TMX3: variants seen among roughly 807,000 people sequenced by gnomAD.
The protein encoded by TMX3 is thioredoxin related transmembrane protein 3, also known as protein disulfide-isomerase TMX3.
A neutral mutation model predicts 64.4 loss-of-function variants in TMX3; 40 were observed. The ratio of observed to expected loss-of-function variants is 0.62; its 90% confidence interval spans 0.48 to 0.81. The LOEUF is 0.81. Ranked by LOEUF, TMX3 falls within the 30% of genes least tolerant of loss-of-function variation. The pLI, the probability that TMX3 is intolerant of heterozygous loss-of-function variation, is 0.00. For synonymous variants in TMX3, 189 were observed against 175.7 expected (o/e 1.08, Z -0.60); for missense variants, 497 against 534.5 (o/e 0.93, Z 0.69).
In TMX3 at chr18:68,686,923, T is replaced by C. The variant is rs2145033799; in HGVS notation, c.736+744A>G. 4.1e-6 allele frequency: 4 copies of C among 984,834 alleles called. No individual in the cohort carries two copies. The South Asian group carries it at 1.9e-4, about 46-fold the overall frequency. The allele number at this position is 984,834 out of a possible 1,614,324, so 61.0% of individuals were successfully genotyped here. A position where few individuals can be genotyped will look rare whatever the true frequency, so the allele number is the denominator to read the frequency against. ...TAAGAATGTCTCTAATTTTTATTAA[T>C]TAGATTTAAGAGTAGGCAATCATGA... On this transcript the variant is annotated intron_variant, in intron 10 of 15. Transcript: ENST00000299608.
chr18:68,676,701 G>A lies in TMX3; in HGVS notation c.*232C>T. 1.9e-6 allele frequency: 1 copy of A among 539,168 alleles called. No individual in the cohort carries two copies. Among genetic ancestry groups the A allele is most frequent in the Non-Finnish European group, 3.3e-6 (1 of 306,072 alleles). The allele number at this position is 539,168 out of a possible 1,614,324, so 33.4% of individuals were successfully genotyped here. A position where few individuals can be genotyped will look rare whatever the true frequency, so the allele number is the denominator to read the frequency against. Reference sequence around the variant, plus strand: ...AGAATTGTTCTGTTCTAATCACAAAGATCAGGTAAATTTTGATGGAGTGCT... The same window carrying A: ...AGAATTGTTCTGTTCTAATCACAAAAATCAGGTAAATTTTGATGGAGTGCT... On this transcript the variant is annotated 3_prime_UTR_variant, in exon 16 of 16. Transcript: ENST00000299608.
chr18:68,700,350 T>C (rs2029911993), intron 6 of TMX3, 55 bp downstream of exon 6: 2 of 1,187,208 alleles, frequency 1.7e-6, no homozygotes, highest in African/African-American at 1.6e-5. Flanking sequence ...TATTAAAATA[T>C]ATTTAATTTT....
At chr18:68,692,555 GAC>G (rs1914627624) in intron 8 of TMX3, among the ~76,000 whole-genome samples, 1 of 152,056 alleles carries the variant, frequency 6.6e-6, no homozygotes, top group Non-Finnish European at 1.5e-5. Flanking sequence ...AGCTCTGAAG[GAC>G]AAACATTAAT....
intron 15 of TMX3, among the ~76,000 whole-genome samples, 177 bp downstream of exon 15, chr18:68,679,286 C>A (rs1347790895): frequency 6.6e-6 from 1 of 152,084 alleles, no homozygotes; most frequent in Non-Finnish European, 1.5e-5. Flanking sequence ...ATCATATAAA[C>A]AATTAGAAAC....
intron 11 of TMX3, 37 bp from the exon 12 acceptor site, chr18:68,684,280 C>T: frequency 6.4e-7 from 1 of 1,567,096 alleles, no homozygotes; most frequent in Non-Finnish European, 8.7e-7. Flanking sequence ...TTCATCTCTG[C>T]ACTTGAAAAA....
intron 10 of TMX3, 55 bp from the exon 11 acceptor site, chr18:68,684,540 C>A: frequency 6.9e-7 from 1 of 1,452,744 alleles, no homozygotes; most frequent in South Asian, 1.2e-5. Context: ...ACAAACTGTT[C>A]AATTATCACT....
intron 8 of TMX3, among the ~76,000 whole-genome samples, chr18:68,691,820 AGCC>A: frequency 6.6e-6 from 1 of 152,242 alleles, no homozygotes; most frequent in Admixed American, 6.5e-5. Context: ...CTGCTTTATA[AGCC>A]ACTTACAGTA....
chr18:68,714,986 G>T lies in TMX3; in HGVS notation c.-5C>A, dbSNP rs776241442. Reference sequence around the variant, plus strand: ...CCAACTCTTCCACGCTGCCATGCTAGCCCGGGAGAGCTGCAGAAGCTGACT... The same window carrying T: ...CCAACTCTTCCACGCTGCCATGCTATCCCGGGAGAGCTGCAGAAGCTGACT... On this transcript the variant is annotated 5_prime_UTR_variant, in exon 1 of 16. Transcript: ENST00000299608. 6.4e-7 allele frequency: 1 copy of T among 1,569,668 alleles called. No individual in the cohort carries two copies. The highest frequency in any genetic ancestry group is 1.2e-5 in the South Asian group (1 of 85,240).
At chr18:68,687,925 G>A in intron 9 of TMX3, 160 bp from the exon 10 acceptor site, 1 of 452,736 alleles carries the variant, frequency 2.2e-6, no homozygotes, top group Non-Finnish European at 3.8e-6. Flanking sequence ...CAAATGTACA[G>A]AAGGATTAAT....
chr18:68,695,478 G>A (rs530057174), intron 8 of TMX3, among the ~76,000 whole-genome samples: 1 of 152,206 alleles, frequency 6.6e-6, no homozygotes, highest in East Asian at 1.9e-4. Flanking sequence ...ATGACATGCT[G>A]AATCAAATTA....
intron 1 of TMX3, among the ~76,000 whole-genome samples, chr18:68,714,720 T>C (rs1341005574): frequency 2.0e-5 from 3 of 152,182 alleles, no homozygotes; most frequent in Non-Finnish European, 4.4e-5. Context: ...ACGTCCAGCA[T>C]TGGTCCGGCA....
rs953138325 is a variant in TMX3 at position 68,694,300 on chromosome 18, G to A, written c.570+2926C>T. On this transcript the variant is annotated intron_variant, in intron 8 of 15. Transcript: ENST00000299608. ...GTAATACCCTCTTCAGGGCTCTGCAGTTCCTGGCGTCTCTGAGCTTTCAGG... is the reference window on the plus strand; with the variant it reads ...GTAATACCCTCTTCAGGGCTCTGCAATTCCTGGCGTCTCTGAGCTTTCAGG... 1.4e-4 allele frequency among the ~76,000 whole-genome samples: 22 copies of A among 152,308 alleles called. No individual in the cohort carries two copies. The East Asian group carries it at 4.3e-3, about 29-fold the overall frequency.
chr18:68,687,976 T>C (rs1914127956), intron 9 of TMX3: 1 of 310,052 alleles, frequency 3.2e-6, no homozygotes, highest in Non-Finnish European at 5.8e-6. Flanking sequence ...AAAAATAGCA[T>C]AAAAATAATT....
At chr18:68,707,005 T>G (rs190766980) in intron 4 of TMX3, among the ~76,000 whole-genome samples, 1 of 152,238 alleles carries the variant, frequency 6.6e-6, no homozygotes, top group Non-Finnish European at 1.5e-5. Flanking sequence ...AATTGACTTA[T>G]GTTCACAAGT....
intron 15 of TMX3, among the ~76,000 whole-genome samples, chr18:68,677,519 C>G (rs186150286): frequency 6.6e-6 from 1 of 152,214 alleles, no homozygotes; most frequent in East Asian, 1.9e-4. Flanking sequence ...TATGTGCGCC[C>G]AGCAGCTTTA....
At position 68,710,049 on chromosome 18, in the gene TMX3, A is replaced by G; in HGVS notation, c.237T>C (p.Val79=). 2 of 1,591,872 alleles carry G rather than the reference A, an allele frequency of 1.3e-6. No individual in the cohort carries two copies. The highest frequency in any genetic ancestry group is 2.3e-5 in the East Asian group (1 of 43,584). Residue 79 remains valine, a synonymous_variant, in exon 4 of 16, where the codon GTT becomes GTC. Coordinates refer to ENST00000299608, the MANE Select transcript of TMX3 (RefSeq NM_019022.5). ...AATAGGAAGTAGCATCCATCTTTCC[A>G]ACCTTAACTGGAGAACCAATGCTTT... The part of the protein sequence containing the change: ...EMKSIGSPVK[V]GKMDATSYSS...
In TMX3 at chr18:68,677,023, C is replaced by G. The variant is rs902670950; in HGVS notation, c.1275G>C (p.Glu425Asp). 6.2e-7 allele frequency: 1 copy of G among 1,613,802 alleles called. No individual in the cohort carries two copies. The highest frequency in any genetic ancestry group is 1.3e-5 in the African/African-American group (1 of 75,006). ...TGCTGGGCTCCTGCTGTTCTTTGCT[C>G]TCTTCTATCTGTTCTTGGTTTTCAT... Reference protein sequence around the residue: ...SENENQEQIEESKEQQEPSSG... With the variant: ...SENENQEQIEDSKEQQEPSSG... Residue 425 changes from glutamate (E) to aspartate (D), a missense_variant, in exon 16 of 16, where the codon GAG becomes GAC. By Grantham distance (45) the Glu-to-Asp change is conservative. Transcript: ENST00000299608.
At chr18:68,705,615 C>G (rs914735915) in intron 4 of TMX3, among the ~76,000 whole-genome samples, 17 of 152,140 alleles carry the variant, frequency 1.1e-4, no homozygotes, top group African/African-American at 4.1e-4. Context: ...CATGCCACTA[C>G]AGGTAATATT....
rs199579999 is a variant in TMX3 at position 68,691,313 on chromosome 18, T to C, written c.619A>G (p.Thr207Ala). ...AACTTACCATCATAAACAAAGTAAG[T>C]TTCATCTTTGAAAACAAGCACAGCT... The part of the protein sequence containing the change: ...MPAVLVFKDE[T>A]YFVYDEYEDG... The change falls in exon 9 of 16, where the codon ACT (threonine) becomes GCT (alanine). Residue 207 changes from threonine (T) to alanine (A), a missense_variant. Thr to Ala is a moderately conservative substitution (Grantham distance 58, BLOSUM62 0). This residue lies in a region of TMX3 where 360 missense variants were observed against 383.5 expected (regional missense o/e 0.94). Coordinates refer to ENST00000299608, the MANE Select transcript of TMX3 (RefSeq NM_019022.5). 5.4e-5 allele frequency: 86 copies of C among 1,585,202 alleles called. 1 individual carries two copies. In the East Asian group the frequency reaches 1.1e-3, roughly 20 times the overall value.
Sources: allele counts gnomAD v4.1 joint callset (sites outside exome capture counted in the v4.1 genomes callset), GRCh38; gene constraint gnomAD v4.1.1; regional missense constraint gnomAD v4.1.1; transcripts MANE v1.5; gene names NCBI Gene and HGNC (gene_info 2026-07-23, HGNC 2026-07-21).